The following MDGA2 variants were observed in gnomAD, a reference collection of about 807,000 sequenced individuals.
MDGA2 encodes MAM domain containing glycosylphosphatidylinositol anchor 2, also known as MAM domain-containing glycosylphosphatidylinositol anchor protein 2.
In MDGA2, 40 loss-of-function variants were observed where a neutral mutation model predicts 117.8. The observed-to-expected ratio is 0.34, with a 90% CI of 0.26 to 0.44. MDGA2 has a LOEUF of 0.44. Among genes scored for constraint, MDGA2 ranks in the 20% least tolerant of loss-of-function variants. The pLI is 1.00. For synonymous variants in MDGA2, 452 were observed against 439.0 expected, an observed-to-expected ratio of 1.03 and a Z score of -0.37; for missense variants, 1,123 against 1,250.6, an observed-to-expected ratio of 0.90 and a Z score of 1.54.
chr14:47,672,848 T>G (rs1459846827), intron 1 of MDGA2, among the ~76,000 whole-genome samples: 1 of 152,094 alleles, frequency 6.6e-6, no homozygotes, highest in Non-Finnish European at 1.5e-5. Flanking sequence ...GGGTCCAGGA[T>G]AGTCACAAGA....
intron 8 of MDGA2, among the ~76,000 whole-genome samples, chr14:47,018,852 C>G: frequency 6.8e-6 from 1 of 147,484 alleles, no homozygotes; most frequent in South Asian, 2.2e-4. Context: ...CTGTTGAACT[C>G]AAATGTAAAA....
chr14:47,610,576 AAACAAC>A lies in MDGA2; in HGVS notation c.280+63935_280+63940del, dbSNP rs569248521. Among the ~76,000 whole-genome samples, 88 of 151,642 alleles carry A rather than the reference AAACAAC, an allele frequency of 5.8e-4. No homozygotes were observed. In the South Asian group the frequency reaches 7.1e-3, roughly 12 times the overall value. Reference sequence around the variant, plus strand: ...CCTTTTACAATAGCTAAAAACAAACAAACAACAACAACAACAACAACAACAAAAACT... The same window carrying A: ...CCTTTTACAATAGCTAAAAACAAACAAACAACAACAACAACAACAAAAACT... On this transcript the variant is annotated intron_variant, in intron 1 of 16. Transcript: ENST00000399232.
chr14:47,665,350 A>AT (rs999339749), intron 1 of MDGA2, among the ~76,000 whole-genome samples: 22 of 151,956 alleles, frequency 1.4e-4, no homozygotes, highest in Middle Eastern at 3.4e-3. Flanking sequence ...AACCTCTTTG[A>AT]TTTTACAGCA....
intron 8 of MDGA2, among the ~76,000 whole-genome samples, chr14:47,016,506 A>G (rs1255967130): frequency 6.6e-6 from 1 of 152,074 alleles, no homozygotes; most frequent in Non-Finnish European, 1.5e-5. Context: ...TATGAAAAGT[A>G]TTTCCAAATA....
rs185700833 is a variant in MDGA2 at position 47,434,404 on chromosome 14, T to G, written c.281-132854A>C. On this transcript the variant is annotated intron_variant, in intron 1 of 16. Coordinates refer to ENST00000399232, the MANE Select transcript of MDGA2 (RefSeq NM_001113498.3). ...TCATATCTCATAGAACTAGGATAATTTGTAGCATTGTGAAACTTTGTCTTT... is the reference window on the plus strand; with the variant it reads ...TCATATCTCATAGAACTAGGATAATGTGTAGCATTGTGAAACTTTGTCTTT... Among the ~76,000 whole-genome samples the G allele has an allele frequency of 6.5e-4, 99 of 152,228 alleles. 1 individual carries two copies. Among genetic ancestry groups the G allele is most frequent in the African/African-American group, 2.3e-3 (95 of 41,560 alleles).
At chr14:47,583,625 TTATG>T (rs1436454519) in intron 1 of MDGA2, among the ~76,000 whole-genome samples, 1 of 151,812 alleles carries the variant, frequency 6.6e-6, no homozygotes, top group African/African-American at 2.4e-5. Context: ...AAATTTTACA[TTATG>T]TCTGTTTATT....
chr14:46,937,231 T>C (rs1242326961), intron 9 of MDGA2, among the ~76,000 whole-genome samples: 2 of 35,502 alleles, frequency 5.6e-5, no homozygotes, highest in South Asian at 1.4e-3. Context: ...CCAACACAAA[T>C]ACCTGAAACA....
chr14:47,359,379 AAAC>A (rs1320221700), intron 1 of MDGA2, among the ~76,000 whole-genome samples: 1 of 151,572 alleles, frequency 6.6e-6, no homozygotes, highest in Admixed American at 6.6e-5. Flanking sequence ...GCAAACAAAC[AAAC>A]AAAAAACATT....
At chr14:46,916,552 T>A in intron 10 of MDGA2, among the ~76,000 whole-genome samples, 1 of 152,200 alleles carries the variant, frequency 6.6e-6, no homozygotes, top group East Asian at 1.9e-4. Context: ...AAACTTTTGT[T>A]TGTAAGTGAA....
At position 46,855,670 on chromosome 14, in the gene MDGA2, C is replaced by CT. The variant is rs1014822957; in HGVS notation, c.2753-517dup. Among the ~76,000 whole-genome samples the CT allele has an allele frequency of 3.3e-5, 5 of 152,106 alleles. No individual in the cohort carries two copies. The highest frequency in any genetic ancestry group is 9.6e-5 in the African/African-American group (4 of 41,514). On this transcript the variant is annotated intron_variant, in intron 14 of 16. Coordinates refer to ENST00000399232, the MANE Select transcript of MDGA2 (RefSeq NM_001113498.3). The surrounding 1 kb of genome is among the most constrained non-coding windows in gnomAD (Gnocchi z 4.1). ...ACATCTTGATTTTAGGCCCAGAATG[C>CT]TTTTTTTAAATTTCTGTTCTCCAGA... is the stretch of plus-strand genomic sequence containing the variant.
chr14:47,133,544 A>C (rs1042125667), intron 4 of MDGA2, among the ~76,000 whole-genome samples: 6 of 151,876 alleles, frequency 4.0e-5, no homozygotes, highest in Non-Finnish European at 8.8e-5. Context: ...ATCCTTGCTG[A>C]TGAATTTCTA....
intron 3 of MDGA2, chr14:47,200,633 A>G: frequency 3.1e-6 from 4 of 1,276,936 alleles, no homozygotes; most frequent in Non-Finnish European, 4.4e-6. Context: ...TTTCTTCTCC[A>G]CGTTCTTCTC....
At chr14:47,037,172 C>A (rs1888885291) in intron 7 of MDGA2, among the ~76,000 whole-genome samples, 1 of 152,202 alleles carries the variant, frequency 6.6e-6, no homozygotes, top group African/African-American at 2.4e-5. Flanking sequence ...GACACTTATT[C>A]ACCCTCCATG....
At chr14:46,993,554 C>T (rs1256711966) in intron 8 of MDGA2, among the ~76,000 whole-genome samples, 1 of 151,744 alleles carries the variant, frequency 6.6e-6, no homozygotes, top group Admixed American at 6.6e-5. Flanking sequence ...CTATGCCTCC[C>T]GAGTTCAAGA....
chr14:47,289,476 T>G (rs896248054), intron 2 of MDGA2, among the ~76,000 whole-genome samples: 3 of 151,936 alleles, frequency 2.0e-5, no homozygotes, highest in Non-Finnish European at 4.4e-5. Flanking sequence ...AAAAACATAT[T>G]GTGAAATATC....
At chr14:46,850,681 A>C (rs1881022812) in intron 15 of MDGA2, among the ~76,000 whole-genome samples, 1 of 151,932 alleles carries the variant, frequency 6.6e-6, no homozygotes, top group African/African-American at 2.4e-5. Flanking sequence ...GAGACAGCAT[A>C]ATAGACATAG....
At chr14:47,405,667 G>A (rs1016694759) in intron 1 of MDGA2, among the ~76,000 whole-genome samples, 1 of 152,078 alleles carries the variant, frequency 6.6e-6, no homozygotes, top group Non-Finnish European at 1.5e-5. Context: ...CACTTTGACA[G>A]TTACAGTTTC....
At chr14:47,404,618 C>T (rs1450741650) in intron 1 of MDGA2, among the ~76,000 whole-genome samples, 4 of 152,122 alleles carry the variant, frequency 2.6e-5, no homozygotes, top group East Asian at 3.9e-4. Flanking sequence ...CCTCAGTCTT[C>T]TAAGAAGCTG....
chr14:47,329,911 A>C (rs1247296239), intron 1 of MDGA2, among the ~76,000 whole-genome samples: 1 of 152,014 alleles, frequency 6.6e-6, no homozygotes, highest in African/African-American at 2.4e-5. Context: ...CAAATCATAG[A>C]ATAGAAAGTG....
Sources: allele counts gnomAD v4.1 joint callset (sites outside exome capture counted in the v4.1 genomes callset), GRCh38; gene constraint gnomAD v4.1.1; non-coding constraint Gnocchi (gnomAD v3.1); transcripts MANE v1.5; gene names NCBI Gene and HGNC (gene_info 2026-07-23, HGNC 2026-07-21).